The following ARL15 variants were observed in gnomAD, a reference collection of about 807,000 sequenced individuals.
ARL15 encodes ADP-ribosylation factor-like protein 15.
Under a neutral mutation model 25.2 loss-of-function variants are expected in ARL15, and 19 were observed. The ratio of observed to expected loss-of-function variants is 0.75; its 90% CI spans 0.53 to 1.10. The LOEUF is 1.10. ARL15 is among the 50% of genes least tolerant of loss of function. The pLI, the probability that ARL15 is intolerant of heterozygous loss-of-function variation, is 0.00. For missense variants in ARL15, 220 were observed against 246.0 expected (o/e 0.89, Z 0.71); for synonymous variants, 94 against 86.8 (o/e 1.08, Z -0.46).
intron 3 of ARL15, among the ~76,000 whole-genome samples, chr5:54,146,982 CTGTT>C (rs747539201): frequency 2.6e-4 from 40 of 152,166 alleles, no homozygotes; most frequent in Non-Finnish European, 8.8e-5. Context: ...GCTCTGCTGA[CTGTT>C]TGGCTCAGTT....
chr5:54,073,885 T>C (rs549087767), intron 4 of ARL15, among the ~76,000 whole-genome samples: 1 of 152,346 alleles, frequency 6.6e-6, no homozygotes, highest in Non-Finnish European at 1.5e-5. Context: ...ATTATGCTGC[T>C]TCCTAGTTTT....
At chr5:53,985,713 G>A (rs965776013) in intron 4 of ARL15, among the ~76,000 whole-genome samples, 3 of 152,126 alleles carry the variant, frequency 2.0e-5, no homozygotes, top group South Asian at 4.2e-4. Context: ...CTATTCATCC[G>A]CTGATGGATA....
intron 4 of ARL15, among the ~76,000 whole-genome samples, chr5:53,951,049 G>A (rs1378900063): frequency 1.3e-5 from 2 of 151,824 alleles, no homozygotes. Context: ...AATGGTTGGG[G>A]GAAAAAAATC....
At chr5:54,037,468 G>A (rs1750205455) in intron 4 of ARL15, among the ~76,000 whole-genome samples, 2 of 151,944 alleles carry the variant, frequency 1.3e-5, no homozygotes, top group Admixed American at 1.3e-4. Context: ...TTTTTTATTT[G>A]CACAGATTAA....
At chr5:54,037,925 C>A (rs1750222393) in intron 4 of ARL15, among the ~76,000 whole-genome samples, 1 of 152,036 alleles carries the variant, frequency 6.6e-6, no homozygotes, top group African/African-American at 2.4e-5. Flanking sequence ...ACATTATGGA[C>A]CTTTCATCAC....
chr5:53,986,159 C>A (rs1748290851), intron 4 of ARL15, among the ~76,000 whole-genome samples: 1 of 152,150 alleles, frequency 6.6e-6, no homozygotes, highest in Non-Finnish European at 1.5e-5. Context: ...CTTCTTTCGG[C>A]CCTGACTCTC....
At chr5:54,177,076 C>T (rs1309806496) in intron 1 of ARL15, among the ~76,000 whole-genome samples, 1 of 152,194 alleles carries the variant, frequency 6.6e-6, no homozygotes, top group African/African-American at 2.4e-5. Flanking sequence ...GGGGGCCAAC[C>T]AAGGTCATGG....
At position 54,159,988 on chromosome 5, in the gene ARL15, C is replaced by G. The variant is rs1754355308; in HGVS notation, c.194-5349G>C. Among the ~76,000 whole-genome samples the G allele has an allele frequency of 2.6e-5, 4 of 152,348 alleles. No homozygotes were observed. The South Asian group carries it at 8.3e-4, about 32-fold the overall frequency. ...CACTTGGACCTACAGACTAAACCCT[C>G]CTCCCCTTCCCTCAAGTCTGAGTGC... On this transcript the variant is annotated intron_variant, in intron 2 of 4. Transcript: ENST00000504924.
intron 4 of ARL15, among the ~76,000 whole-genome samples, chr5:54,075,008 A>G (rs565607990): frequency 1.2e-3 from 180 of 149,774 alleles, no homozygotes; most frequent in African/African-American, 4.3e-3. Flanking sequence ...AATATAAATT[A>G]AGAGAAACAC....
chr5:54,046,474 C>G (rs1457652249), intron 4 of ARL15, among the ~76,000 whole-genome samples: 1 of 152,130 alleles, frequency 6.6e-6, no homozygotes, highest in African/African-American at 2.4e-5. Context: ...GAGCGAGACT[C>G]TGTCTCAAAA....
At chr5:54,074,227 A>G (rs897765681) in intron 4 of ARL15, among the ~76,000 whole-genome samples, 1 of 152,224 alleles carries the variant, frequency 6.6e-6, no homozygotes, top group Admixed American at 6.5e-5. Context: ...CACCAGGTCC[A>G]CTGCTTACAA....
intron 4 of ARL15, among the ~76,000 whole-genome samples, chr5:53,993,024 C>G (rs1201601983): frequency 6.9e-6 from 1 of 145,372 alleles, no homozygotes; most frequent in Non-Finnish European, 1.5e-5. Context: ...CTGGCCCGGG[C>G]AACAAGAGTA....
In ARL15 at chr5:54,303,426, G is replaced by C. The variant is rs142917609; in HGVS notation, c.48+7006C>G. On this transcript the variant is annotated intron_variant, in intron 1 of 4. Transcript: ENST00000504924. ...CTCAGGAGGCTTAGGTGGGATAATT[G>C]CTTGAACCCGGGAGGCAGAGGTTGC... 1.5e-3 allele frequency among the ~76,000 whole-genome samples: 225 copies of C among 152,164 alleles called. 2 individuals are homozygous for C. Among genetic ancestry groups the C allele is most frequent in the African/African-American group, 4.8e-3 (201 of 41,522 alleles).
intron 4 of ARL15, among the ~76,000 whole-genome samples, chr5:54,002,626 T>G (rs568779924): frequency 1.3e-5 from 2 of 152,168 alleles, no homozygotes; most frequent in South Asian, 4.1e-4. Context: ...GGAACAAATT[T>G]TGGAATAAAA....
chr5:54,287,044 A>G (rs538960382), intron 1 of ARL15, among the ~76,000 whole-genome samples: 1 of 151,824 alleles, frequency 6.6e-6, no homozygotes, highest in African/African-American at 2.4e-5. Context: ...TACCCAGCTA[A>G]TTTTGTTTAT....
intron 1 of ARL15, among the ~76,000 whole-genome samples, chr5:54,259,809 T>C (rs965522332): frequency 1.3e-5 from 2 of 152,222 alleles, no homozygotes; most frequent in African/African-American, 4.8e-5. Context: ...ATAACATTGC[T>C]TTACAATGAG....
At chr5:54,080,210 T>C (rs956291898) in intron 4 of ARL15, among the ~76,000 whole-genome samples, 1 of 152,208 alleles carries the variant, frequency 6.6e-6, no homozygotes, top group Non-Finnish European at 1.5e-5. Flanking sequence ...TTGGGTATTC[T>C]GTTAGATAGG....
intron 1 of ARL15, among the ~76,000 whole-genome samples, chr5:54,295,543 T>C (rs932361388): frequency 2.6e-5 from 4 of 152,030 alleles, no homozygotes; most frequent in Non-Finnish European, 5.9e-5. Context: ...CGTGATCACA[T>C]CTAAATGACC....
chr5:53,974,489 T>C (rs1195700572), intron 4 of ARL15, among the ~76,000 whole-genome samples: 1 of 152,210 alleles, frequency 6.6e-6, no homozygotes, highest in Admixed American at 6.5e-5. Context: ...GCGCTCACTG[T>C]TTTCTGCTTG....
Sources: gnomAD v4.1 joint callset for allele counts (sites outside exome capture counted in the v4.1 genomes callset) on GRCh38, gnomAD v4.1.1 for gene constraint, MANE v1.5 for transcripts, NCBI Gene and HGNC (gene_info 2026-07-23, HGNC 2026-07-21) for gene names.